The following KCNQ2 variants were observed in gnomAD, a reference collection of about 807,000 sequenced individuals.
KCNQ2 encodes potassium voltage-gated channel subfamily KQT member 2.
Under a neutral mutation model 84.8 loss-of-function variants are expected in KCNQ2, and 14 were observed. That is an observed-to-expected ratio of 0.17 (90% CI 0.11 to 0.26). The LOEUF (loss-of-function observed/expected upper bound fraction) is 0.26, where lower values mean the gene tolerates loss of function less well. KCNQ2 is among the 10% of genes least tolerant of loss of function. The pLI, the probability that KCNQ2 is intolerant of heterozygous loss-of-function variation, is 1.00. For synonymous variants in KCNQ2, 599 were observed against 554.1 expected, an observed-to-expected ratio of 1.08 and a Z score of -1.14; for missense variants, 788 against 1,254.0, an observed-to-expected ratio of 0.63 and a Z score of 5.61.
At chr20:63,420,168 G>C (rs966568870) in intron 11 of KCNQ2, among the ~76,000 whole-genome samples, 1 of 152,214 alleles carries the variant, frequency 6.6e-6, no homozygotes, top group South Asian at 2.1e-4. Context: ...GTGGGTCTCG[G>C]TTTACCCAGG....
rs765593192 is a variant in KCNQ2, at chr20:63,406,887, G to A, written c.2376C>T (p.Ser792=). The change falls in exon 17 of 17, where the codon TCC becomes TCT. Residue 792 remains serine, a synonymous_variant. Coordinates refer to ENST00000359125, the MANE Select transcript of KCNQ2 (RefSeq NM_172107.4). ...AACGCTCCAGCTCCTCGTGGTCCAC[G>A]GACGGGATGGAGATGGACGTGTCGC... ...RDSDTSISIP[S]VDHEELERSF... is the part of the protein sequence containing the mutation. The A allele has an allele frequency of 7.4e-6, 12 of 1,611,772 alleles. No homozygotes were observed. The highest frequency in any genetic ancestry group is 2.2e-5 in the East Asian group (1 of 44,854).
chr20:63,466,175 G>T (rs114825547), intron 1 of KCNQ2, among the ~76,000 whole-genome samples: 1,720 of 152,244 alleles, frequency 0.011, 27 homozygotes, highest in African/African-American at 0.039. Flanking sequence ...CACAGGGCAG[G>T]CACCTTCGTT....
intron 15 of KCNQ2, chr20:63,412,012 A>C (rs1489261529): frequency 3.2e-6 from 2 of 621,942 alleles, no homozygotes; most frequent in Non-Finnish European, 5.8e-6. Context: ...GCTCTCCCAC[A>C]GAGGGTGTGG....
At chr20:63,417,496 G>A (rs995177423) in intron 12 of KCNQ2, among the ~76,000 whole-genome samples, 4 of 152,394 alleles carry the variant, frequency 2.6e-5, no homozygotes, top group South Asian at 2.1e-4. Flanking sequence ...GGACAGAGCC[G>A]GTCGGCCCAA....
chr20:63,418,466 G>A (rs1364693445), intron 12 of KCNQ2, among the ~76,000 whole-genome samples: 1 of 152,198 alleles, frequency 6.6e-6, no homozygotes, highest in African/African-American at 2.4e-5. Flanking sequence ...CGCCCAGGAA[G>A]CGTGAGGATG....
rs2145495388 is a variant in KCNQ2 at position 63,408,242 on chromosome 20, T to TG, written c.1887+170dup. Reference sequence around the variant, plus strand: ...CAGGCCGGGGGTGGGAGGCTCACGGTGGGGTGTGAGGGGTCTGCACAGAGC... The same window carrying TG: ...CAGGCCGGGGGTGGGAGGCTCACGGTGGGGGTGTGAGGGGTCTGCACAGAGC... On this transcript the variant is annotated intron_variant, in intron 16 of 16. Transcript: ENST00000359125. The surrounding 1 kb of genome is among the most constrained non-coding windows in gnomAD (Gnocchi z 5.0). 2.4e-6 allele frequency: 2 copies of TG among 831,524 alleles called. No homozygotes were observed. Among genetic ancestry groups the TG allele is most frequent in the East Asian group, 5.5e-5 (2 of 36,322 alleles). The allele number at this position is 831,524 out of a possible 1,614,324, so 51.5% of individuals were successfully genotyped here. A position where few individuals can be genotyped will look rare whatever the true frequency, so the allele number is the denominator to read the frequency against.
chr20:63,467,627 A>G (rs998756043), intron 1 of KCNQ2, among the ~76,000 whole-genome samples: 11 of 152,200 alleles, frequency 7.2e-5, no homozygotes, highest in Admixed American at 3.3e-4. Context: ...ACGTGTCAGG[A>G]GCACAGGGAC....
intron 3 of KCNQ2, 73 bp downstream of exon 3, chr20:63,445,165 C>G (rs902435408): frequency 6.2e-6 from 10 of 1,604,540 alleles, no homozygotes; most frequent in Middle Eastern, 1.7e-4. Flanking sequence ...GACGCCCCAG[C>G]TCCCCCCAGG....
Position 63,408,604 on chromosome 20 carries a change from T to A in KCNQ2, c.1764-68A>T. On this transcript the variant is annotated intron_variant, in intron 15 of 16. Coordinates refer to ENST00000359125, the MANE Select transcript of KCNQ2 (RefSeq NM_172107.4). The surrounding 1 kb of genome is among the most constrained non-coding windows in gnomAD (Gnocchi z 5.0). ...CAGCAGGGCCCCTGCCCTCTCCTCC[T>A]GGACCAGGCCACAGTGCCCCTGGGT... The A allele has an allele frequency of 2.5e-6, 4 of 1,583,342 alleles. No homozygotes were observed. Among genetic ancestry groups the A allele is most frequent in the Non-Finnish European group, 3.4e-6 (4 of 1,168,438 alleles).
intron 1 of KCNQ2, among the ~76,000 whole-genome samples, chr20:63,468,305 C>T (rs1214731108): frequency 1.3e-5 from 2 of 152,190 alleles, no homozygotes; most frequent in African/African-American, 2.4e-5. Flanking sequence ...GCACACAATG[C>T]TCCGTCAGCA....
chr20:63,428,451 G>C lies in KCNQ2; in HGVS notation c.1149-16C>G, dbSNP rs1396161274. 6.3e-7 allele frequency: 1 copy of C among 1,581,020 alleles called. No individual in the cohort carries two copies. Among genetic ancestry groups the C allele is most frequent in the South Asian group, 1.2e-5 (1 of 86,274 alleles). On this transcript the variant is annotated splice_polypyrimidine_tract_variant and intron_variant, in intron 9 of 16. Transcript: ENST00000359125. Reference sequence around the variant, plus strand: ...GGGGATAAGTCTGGGGCAAGAGAAGGAGAGGGGAGTGAGCGTCTCACCCTC... The same window carrying C: ...GGGGATAAGTCTGGGGCAAGAGAAGCAGAGGGGAGTGAGCGTCTCACCCTC...
At chr20:63,461,948 C>T (rs2081965672) in intron 1 of KCNQ2, among the ~76,000 whole-genome samples, 1 of 127,098 alleles carries the variant, frequency 7.9e-6, no homozygotes, top group African/African-American at 3.2e-5. Flanking sequence ...AGGGAGGAGG[C>T]TGCATCTACC....
chr20:63,456,758 G>C (rs1192085353), intron 1 of KCNQ2, among the ~76,000 whole-genome samples: 2 of 152,192 alleles, frequency 1.3e-5, no homozygotes, highest in Non-Finnish European at 2.9e-5. Context: ...CTGGCTGCAC[G>C]GCCCCCACCA....
Position 63,438,747 on chromosome 20 carries a change from C to A in KCNQ2, c.928-27G>T. ...TGCAATTCATCAGGGTCAGGTCACACCCCAGGGACCCCCCACACCCCAATT... is the reference window on the plus strand; with the variant it reads ...TGCAATTCATCAGGGTCAGGTCACAACCCAGGGACCCCCCACACCCCAATT... On this transcript the variant is annotated intron_variant, in intron 6 of 16. Coordinates refer to ENST00000359125, the MANE Select transcript of KCNQ2 (RefSeq NM_172107.4). The surrounding 1 kb of genome is among the most constrained non-coding windows in gnomAD (Gnocchi z 5.1). 6.3e-7 allele frequency: 1 copy of A among 1,597,546 alleles called. No homozygotes were observed.
chr20:63,461,472 T>C (rs992996631), intron 1 of KCNQ2, among the ~76,000 whole-genome samples: 1 of 152,156 alleles, frequency 6.6e-6, no homozygotes, highest in Non-Finnish European at 1.5e-5. Context: ...CCCCTGACTC[T>C]ATGGCCTGGG....
Position 63,438,914 on chromosome 20 carries a change from G to A in KCNQ2, c.928-194C>T, listed in dbSNP as rs1016282109. Among the ~76,000 whole-genome samples the A allele has an allele frequency of 1.5e-4, 22 of 150,570 alleles. No individual in the cohort carries two copies. The highest frequency in any genetic ancestry group is 5.4e-4 in the African/African-American group (22 of 40,784). ...ACTCACACACCCCCCAGTTCATCAG[G>A]GTCAGACCCGTCTCCACCGATCCAT... On this transcript the variant is annotated intron_variant, in intron 6 of 16. Transcript: ENST00000359125. This position sits in a 1 kb window ranked among gnomAD's most constrained non-coding sequence, Gnocchi z 5.1.
chr20:63,405,759 C>G lies in KCNQ2; in HGVS notation c.*885G>C, dbSNP rs972955801. 4.6e-5 allele frequency: 7 copies of G among 152,380 alleles called. No individual in the cohort carries two copies. Among genetic ancestry groups the G allele is most frequent in the African/African-American group, 1.4e-4 (6 of 41,456 alleles). The allele number at this position is 152,380 out of a possible 1,614,324, so 9.4% of individuals were successfully genotyped here. On this transcript the variant is annotated 3_prime_UTR_variant, in exon 17 of 17. Coordinates refer to ENST00000359125, the MANE Select transcript of KCNQ2 (RefSeq NM_172107.4). The stretch of plus-strand genomic sequence containing the variant: ...GGGGAGGACTTGGGGTCCTGCCCCC[C>G]CGGTCTCCAAGGCTGGGGTGCTGCT...
chr20:63,411,629 C>T (rs900822171), intron 15 of KCNQ2: 1 of 467,254 alleles, frequency 2.1e-6, no homozygotes, highest in East Asian at 3.5e-5. Flanking sequence ...GGCCTTCTCC[C>T]TCTTGTGGCT....
intron 15 of KCNQ2, chr20:63,412,101 G>T (rs979444313): frequency 1.9e-6 from 1 of 525,410 alleles, no homozygotes; most frequent in Admixed American, 3.5e-5. Context: ...AGCGGGTGGC[G>T]GGCGGCCCCA....
Sources: allele counts gnomAD v4.1 joint callset (sites outside exome capture counted in the v4.1 genomes callset), GRCh38; gene constraint gnomAD v4.1.1; non-coding constraint Gnocchi (gnomAD v3.1); transcripts MANE v1.5; gene names NCBI Gene and HGNC (gene_info 2026-07-23, HGNC 2026-07-21).